PSME4: variants seen among roughly 807,000 people sequenced by gnomAD.
The protein encoded by PSME4 is proteasome activator subunit 4.
PSME4 carries 89 observed loss-of-function variants against 253.9 expected under a neutral mutation model. That is an observed-to-expected ratio of 0.35 (90% CI 0.30 to 0.42). The LOEUF is 0.42. Among genes scored for constraint, PSME4 ranks in the 10% least tolerant of loss-of-function variants. The probability of loss-of-function intolerance (pLI) is 1.00; values close to 1 mark genes in which losing one functional copy is unlikely to be tolerated. For synonymous variants in PSME4, 851 were observed against 759.2 expected, an observed-to-expected ratio of 1.12 and a Z score of -1.99; for missense variants, 2,014 against 2,195.2, an observed-to-expected ratio of 0.92 and a Z score of 1.65.
intron 1 of PSME4, among the ~76,000 whole-genome samples, chr2:53,969,621 G>A (rs1670935440): frequency 6.6e-6 from 1 of 151,234 alleles, no homozygotes; most frequent in Non-Finnish European, 1.5e-5. Flanking sequence ...AAAGCTCTTC[G>A]GACACAGTAA....
chr2:53,876,883 A>G (rs1679156991), intron 41 of PSME4, among the ~76,000 whole-genome samples: 1 of 145,772 alleles, frequency 6.9e-6, no homozygotes, highest in East Asian at 2.0e-4. Flanking sequence ...GTGTCCAGCT[A>G]TTTTTTTTTT....
At position 53,889,352 on chromosome 2, in the gene PSME4, G is replaced by C. The variant is rs79365985; in HGVS notation, c.4297-540C>G. 6.3e-3 allele frequency among the ~76,000 whole-genome samples: 963 copies of C among 152,028 alleles called. 8 individuals carry two copies. The highest frequency in any genetic ancestry group is 0.022 in the African/African-American group (917 of 41,450). On this transcript the variant is annotated intron_variant, in intron 37 of 46. Transcript: ENST00000404125. The stretch of plus-strand genomic sequence containing the variant: ...TCCTGTACACTTTAAATCTTCTCTA[G>C]AGTATTTGTAATACCTAATACAATG...
At chr2:53,937,871 T>C (rs1364732432) in intron 4 of PSME4, among the ~76,000 whole-genome samples, 1 of 151,880 alleles carries the variant, frequency 6.6e-6, no homozygotes, top group African/African-American at 2.4e-5. Context: ...CGCACATCTG[T>C]AGTCCCAGCT....
chr2:53,890,861 T>C (rs1679873511), intron 36 of PSME4, among the ~76,000 whole-genome samples: 1 of 151,996 alleles, frequency 6.6e-6, no homozygotes, highest in Admixed American at 6.6e-5. Flanking sequence ...ACCATGTCTC[T>C]ACAAAAAAAA....
At chr2:53,950,155 G>T (rs1169366732) in intron 1 of PSME4, among the ~76,000 whole-genome samples, 1 of 151,976 alleles carries the variant, frequency 6.6e-6, no homozygotes, top group East Asian at 1.9e-4. Flanking sequence ...GTGCGCCTGT[G>T]GTCCCAGTTA....
chr2:53,961,288 G>C (rs1339458483), intron 1 of PSME4, among the ~76,000 whole-genome samples: 1 of 152,212 alleles, frequency 6.6e-6, no homozygotes, highest in South Asian at 2.1e-4. Flanking sequence ...CATGCTCTCA[G>C]TTTGGTGTTC....
At chr2:53,896,341 T>C (rs1461014119) in intron 32 of PSME4, among the ~76,000 whole-genome samples, 2 of 152,204 alleles carry the variant, frequency 1.3e-5, no homozygotes, top group Non-Finnish European at 2.9e-5. Flanking sequence ...AATCCAGGAT[T>C]AAACATTGCA....
intron 1 of PSME4, among the ~76,000 whole-genome samples, chr2:53,969,169 T>A (rs1670900256): frequency 6.6e-6 from 1 of 152,136 alleles, no homozygotes; most frequent in Non-Finnish European, 1.5e-5. Context: ...CTAAACGTGG[T>A]TCTCCCTGTT....
intron 8 of PSME4, among the ~76,000 whole-genome samples, chr2:53,934,231 T>C (rs915142392): frequency 2.6e-5 from 4 of 152,220 alleles, no homozygotes; most frequent in African/African-American, 4.8e-5. Context: ...TTCAATGCAA[T>C]GTTTTATGTG....
intron 1 of PSME4, among the ~76,000 whole-genome samples, chr2:53,965,014 C>A (rs1670649335): frequency 6.6e-6 from 1 of 152,040 alleles, no homozygotes; most frequent in African/African-American, 2.4e-5. Flanking sequence ...GTCACTGTAG[C>A]AAACAGGGAA....
chr2:53,897,719 T>C (rs1022421903), intron 31 of PSME4, 151 bp downstream of exon 31: 28 of 875,284 alleles, frequency 3.2e-5, no homozygotes, highest in Non-Finnish European at 4.7e-5. Context: ...AGATGAATCA[T>C]TATCATCTCT....
intron 46 of PSME4, 116 bp downstream of exon 46, chr2:53,865,968 GC>G: frequency 9.2e-7 from 1 of 1,089,186 alleles, no homozygotes; most frequent in Non-Finnish European, 1.3e-6. Flanking sequence ...AACAATCCCC[GC>G]CATCCAACTT....
At chr2:53,884,199 C>T (rs1274620323) in intron 41 of PSME4, among the ~76,000 whole-genome samples, 1 of 151,946 alleles carries the variant, frequency 6.6e-6, no homozygotes, top group South Asian at 2.1e-4. Flanking sequence ...TAACTTATAT[C>T]GTACAGCTTT....
chr2:53,910,439 A>C (rs936811814), intron 20 of PSME4, among the ~76,000 whole-genome samples: 6 of 152,238 alleles, frequency 3.9e-5, no homozygotes, highest in Non-Finnish European at 8.8e-5. Context: ...CATAAAGAAA[A>C]GTCAGCTTAA....
intron 41 of PSME4, among the ~76,000 whole-genome samples, chr2:53,884,777 A>G (rs1679561209): frequency 6.6e-6 from 1 of 152,208 alleles, no homozygotes; most frequent in African/African-American, 2.4e-5. Context: ...GGACCTATAT[A>G]CTAGCAGCTA....
At position 53,948,439 on chromosome 2, in the gene PSME4, C is replaced by T. The variant is rs768231726; in HGVS notation, c.482G>A (p.Gly161Glu). The change falls in exon 3 of 47, where the codon GGA becomes GAA. Residue 161 changes from glycine to glutamate, a missense_variant. Coordinates refer to ENST00000404125, the MANE Select transcript of PSME4 (RefSeq NM_014614.3). ...TACTTACTTAGGAAACCAATTTAAT[C>T]CTAGGTGCTCTGTCTTGGAATATAA... The part of the protein sequence containing the change: ...RILYSKTEHL[G>E]LNWFPNSVEN... 1 of 1,610,418 alleles carries T rather than the reference C, an allele frequency of 6.2e-7. No homozygotes were observed. Among genetic ancestry groups the T allele is most frequent in the South Asian group, 1.1e-5 (1 of 90,972 alleles).
intron 10 of PSME4, among the ~76,000 whole-genome samples, chr2:53,931,346 A>G (rs1361600144): frequency 6.6e-6 from 1 of 152,234 alleles, no homozygotes; most frequent in African/African-American, 2.4e-5. Flanking sequence ...CTAGGCAAGT[A>G]AAGAGTTTTC....
chr2:53,959,532 A>G lies in PSME4; in HGVS notation c.243-10249T>C, dbSNP rs150667075. 4.5e-3 allele frequency among the ~76,000 whole-genome samples: 687 copies of G among 152,228 alleles called. 9 individuals are homozygous for G. Among genetic ancestry groups the G allele is most frequent in the African/African-American group, 0.016 (659 of 41,534 alleles). Reference sequence around the variant, plus strand: ...CCTGCCCACCCAAAATAAACACTTCACCATAGCTATATCAGTTCCAGTCTT... The same window carrying G: ...CCTGCCCACCCAAAATAAACACTTCGCCATAGCTATATCAGTTCCAGTCTT... On this transcript the variant is annotated intron_variant, in intron 1 of 46. Transcript: ENST00000404125.
chr2:53,934,127 G>C (rs1016509569), intron 8 of PSME4, among the ~76,000 whole-genome samples: 1 of 152,170 alleles, frequency 6.6e-6, no homozygotes, highest in Non-Finnish European at 1.5e-5. Context: ...TGAAATCTAA[G>C]CTTGATATGT....
Sources: allele counts gnomAD v4.1 joint callset (sites outside exome capture counted in the v4.1 genomes callset), GRCh38; gene constraint gnomAD v4.1.1; transcripts MANE v1.5; gene names NCBI Gene and HGNC (gene_info 2026-07-23, HGNC 2026-07-21).